Variants in RYR2 observed in about 807,000 individuals in gnomAD.
RYR2 encodes cardiac muscle ryanodine receptor-calcium release channel.
In RYR2, 227 loss-of-function variants were observed where a neutral mutation model predicts 601.1. That is an observed-to-expected ratio of 0.38 (90% CI 0.34 to 0.42). The LOEUF (loss-of-function observed/expected upper bound fraction) is 0.42. Ranked by LOEUF, RYR2 falls within the 10% of genes least tolerant of loss-of-function variation. The pLI, the probability that RYR2 is intolerant of heterozygous loss-of-function variation, is 1.00. For missense variants in RYR2, 4,646 were observed against 6,156.5 expected (o/e 0.75, Z 8.21); for synonymous variants, 2,223 against 2,175.1 (o/e 1.02, Z -0.61).
chr1:237,468,878 G>C (rs1354868259), intron 16 of RYR2, among the ~76,000 whole-genome samples: 1 of 152,114 alleles, frequency 6.6e-6, no homozygotes, highest in Non-Finnish European at 1.5e-5. Flanking sequence ...TCCTTCTAAT[G>C]AGCAGTGGTT....
intron 1 of RYR2, among the ~76,000 whole-genome samples, chr1:237,209,495 A>ATGTGTGTGTGTGTGTGTGTG (rs1227902374): frequency 2.8e-4 from 11 of 39,348 alleles, no homozygotes; most frequent in East Asian, 8.8e-3. Flanking sequence ...AAATCTGCAT[A>ATGTGTGTGTGTGTGTGTGTG]TATGTGTGTG....
chr1:237,191,317 T>C (rs1679945437), intron 1 of RYR2, among the ~76,000 whole-genome samples: 1 of 152,172 alleles, frequency 6.6e-6, no homozygotes, highest in African/African-American at 2.4e-5. Context: ...TGTCATTTTG[T>C]AGTATGTTTT....
At chr1:237,575,844 G>A (rs10157412) in intron 29 of RYR2, among the ~76,000 whole-genome samples, 44,225 of 151,964 alleles carry the variant, frequency 0.29, 6,984 homozygotes, top group East Asian at 0.66. Flanking sequence ...TAAAAGGGAC[G>A]AATTTATCAT....
intron 17 of RYR2, among the ~76,000 whole-genome samples, chr1:237,476,750 C>G (rs1377700234): frequency 2.0e-5 from 3 of 152,084 alleles, no homozygotes; most frequent in Admixed American, 1.3e-4. Flanking sequence ...AAGTTTTCCT[C>G]CTTGATATTT....
At chr1:237,214,352 G>C (rs547197527) in intron 1 of RYR2, among the ~76,000 whole-genome samples, 2 of 152,300 alleles carry the variant, frequency 1.3e-5, no homozygotes, top group South Asian at 4.1e-4. Flanking sequence ...TTTGGCTCAT[G>C]GTTCTGTAGG....
At chr1:237,812,023 A>G (rs1377883926) in intron 100 of RYR2, among the ~76,000 whole-genome samples, 1 of 152,196 alleles carries the variant, frequency 6.6e-6, no homozygotes. Flanking sequence ...GCACTTGGCT[A>G]TAAATGCTAT....
chr1:237,288,898 C>T (rs1691883902), intron 2 of RYR2, among the ~76,000 whole-genome samples: 1 of 152,128 alleles, frequency 6.6e-6, no homozygotes, highest in African/African-American at 2.4e-5. Flanking sequence ...GAGTTTTACC[C>T]CGTGCTCCTC....
At chr1:237,191,612 C>T (rs1229998462) in intron 1 of RYR2, among the ~76,000 whole-genome samples, 1 of 152,094 alleles carries the variant, frequency 6.6e-6, no homozygotes, top group Non-Finnish European at 1.5e-5. Flanking sequence ...CCGATTGAGG[C>T]TGGATAAAAG....
intron 1 of RYR2, among the ~76,000 whole-genome samples, chr1:237,247,508 G>T (rs531994557): frequency 6.6e-6 from 1 of 152,300 alleles, no homozygotes; most frequent in African/African-American, 2.4e-5. Context: ...GGACCTGAAA[G>T]GTGCTGGTGG....
At chr1:237,481,886 A>C (rs992637586) in intron 17 of RYR2, among the ~76,000 whole-genome samples, 1 of 149,730 alleles carries the variant, frequency 6.7e-6, no homozygotes, top group Admixed American at 6.6e-5. Context: ...TAGCTAGACC[A>C]TGTCTTCTCT....
chr1:237,674,579 G>A (rs945309678), intron 59 of RYR2, among the ~76,000 whole-genome samples, 152 bp from the exon 60 acceptor site: 2 of 151,832 alleles, frequency 1.3e-5, no homozygotes, highest in Middle Eastern at 3.4e-3. Context: ...CTTTTTCTTT[G>A]AGCTACAATA....
At chr1:237,823,313 G>A (rs1326467387) in intron 101 of RYR2, among the ~76,000 whole-genome samples, 5 of 152,104 alleles carry the variant, frequency 3.3e-5, no homozygotes, top group Admixed American at 2.0e-4. Flanking sequence ...CAAAAGAATG[G>A]AAATCATAAC....
At chr1:237,393,170 C>T (rs538339032) in intron 10 of RYR2, among the ~76,000 whole-genome samples, 2 of 152,144 alleles carry the variant, frequency 1.3e-5, no homozygotes, top group East Asian at 1.9e-4. Flanking sequence ...TCTTCTTCCA[C>T]CTTATCTGGC....
rs1669330958 is a variant in RYR2, at chr1:237,542,050, A to C, written c.2907-6381A>C. Among the ~76,000 whole-genome samples the C allele has an allele frequency of 1.3e-5, 2 of 150,128 alleles. 1 individual carries two copies. The highest frequency in any genetic ancestry group is 4.2e-4 in the South Asian group (2 of 4,722). On this transcript the variant is annotated intron_variant, in intron 25 of 104. Transcript: ENST00000366574. ...AAACATAATTTCTATAAAGGTATAC[A>C]TTTTTGTCTTTATTTATTTATTTAT... is the stretch of plus-strand genomic sequence containing the variant.
chr1:237,288,097 C>T (rs573506016), intron 2 of RYR2, among the ~76,000 whole-genome samples: 21 of 152,288 alleles, frequency 1.4e-4, no homozygotes, highest in Non-Finnish European at 2.6e-4. Context: ...GATCTAGCCA[C>T]CTGGTGAGTC....
intron 25 of RYR2, among the ~76,000 whole-genome samples, chr1:237,538,699 A>C (rs1345223517): frequency 2.6e-5 from 4 of 151,902 alleles, no homozygotes; most frequent in Non-Finnish European, 5.9e-5. Context: ...TGAACCTGAG[A>C]GGCGGAGGTT....
At chr1:237,678,329 A>C (rs1685579149) in intron 61 of RYR2, among the ~76,000 whole-genome samples, 1 of 152,124 alleles carries the variant, frequency 6.6e-6, no homozygotes, top group South Asian at 2.1e-4. Flanking sequence ...TCTTCAAATG[A>C]CTTCATTCTA....
At chr1:237,284,272 T>A (rs999985314) in intron 2 of RYR2, among the ~76,000 whole-genome samples, 2 of 140,908 alleles carry the variant, frequency 1.4e-5, no homozygotes, top group African/African-American at 5.7e-5. Flanking sequence ...TCCCAGCTAC[T>A]TGGGAGGCTG....
chr1:237,461,654 G>A (rs1192643494), intron 16 of RYR2, among the ~76,000 whole-genome samples: 1 of 151,270 alleles, frequency 6.6e-6, no homozygotes, highest in Non-Finnish European at 1.5e-5. Context: ...ATTGAAAAAA[G>A]TAGTTAACAT....
Sources: gnomAD v4.1 joint callset for allele counts (sites outside exome capture counted in the v4.1 genomes callset) on GRCh38, gnomAD v4.1.1 for gene constraint, MANE v1.5 for transcripts, NCBI Gene and HGNC (gene_info 2026-07-23, HGNC 2026-07-21) for gene names.